The following GAL3ST2 variants were observed in gnomAD, a reference collection of about 807,000 sequenced individuals.
The protein encoded by GAL3ST2 is beta-galactose-3-O-sulfotransferase 2.
GAL3ST2 carries 16 observed loss-of-function variants against 12.9 expected under a neutral mutation model. The ratio of observed to expected loss-of-function variants is 1.24; its 90% CI spans 0.84 to 1.88. GAL3ST2 has a LOEUF of 1.88. Among genes scored for constraint, GAL3ST2 ranks in the 40% most tolerant of loss-of-function variants. The probability of loss-of-function intolerance (pLI) is 0.00; values close to 1 mark genes in which losing one functional copy is unlikely to be tolerated. For missense variants in GAL3ST2, 639 were observed against 571.8 expected (o/e 1.12, Z -1.20); for synonymous variants, 302 against 273.9 (o/e 1.10, Z -1.01).
At chr2:241,791,522 G>C (rs1391730849) in intron 1 of GAL3ST2, among the ~76,000 whole-genome samples, 1 of 152,156 alleles carries the variant, frequency 6.6e-6, no homozygotes, top group African/African-American at 2.4e-5. Context: ...GGCAAGAAAA[G>C]AATATCACTT....
chr2:241,778,327 G>A (rs1195959570), intron 1 of GAL3ST2, among the ~76,000 whole-genome samples: 1 of 152,264 alleles, frequency 6.6e-6, no homozygotes. Flanking sequence ...GTGATTCAAG[G>A]AGCTGCCCAG....
At chr2:241,782,759 C>T (rs1337742396) in intron 1 of GAL3ST2, among the ~76,000 whole-genome samples, 1 of 151,916 alleles carries the variant, frequency 6.6e-6, no homozygotes, top group African/African-American at 2.4e-5. Flanking sequence ...CTTTTTACAC[C>T]CAGGAGTCAA....
At position 241,776,994 on chromosome 2, in the gene GAL3ST2, G is replaced by T; in HGVS notation, c.29+10G>T. 6.6e-7 allele frequency: 1 copy of T among 1,525,158 alleles called. No homozygotes were observed. Among genetic ancestry groups the T allele is most frequent in the South Asian group, 1.3e-5 (1 of 79,744 alleles). The allele number at this position is 1,525,158 out of a possible 1,614,324, so 94.5% of individuals were successfully genotyped here. A position where few individuals can be genotyped will look rare whatever the true frequency, so the allele number is the denominator to read the frequency against. On this transcript the variant is annotated intron_variant, in intron 1 of 3. Coordinates refer to ENST00000192314, the MANE Select transcript of GAL3ST2 (RefSeq NM_022134.3). Reference sequence around the variant, plus strand: ...TGGGCGGCTTGCAGAGGTAAGGGGGGCAGTTGGACCCCCCAGGTGGACAAA... The same window carrying T: ...TGGGCGGCTTGCAGAGGTAAGGGGGTCAGTTGGACCCCCCAGGTGGACAAA...
At position 241,781,526 on chromosome 2, in the gene GAL3ST2, A is replaced by G. The variant is rs1044661315; in HGVS notation, c.29+4542A>G. Among the ~76,000 whole-genome samples, 3 of 152,206 alleles carry G rather than the reference A, an allele frequency of 2.0e-5. No individual in the cohort carries two copies. In the East Asian group the frequency reaches 5.8e-4, roughly 29 times the overall value. On this transcript the variant is annotated intron_variant, in intron 1 of 3. Coordinates refer to ENST00000192314, the MANE Select transcript of GAL3ST2 (RefSeq NM_022134.3). ...AAAGTTTTAGGACAGCCATAGTCAA[A>G]GACACAATTGACAAGGAAATTTGTT...
intron 3 of GAL3ST2, 89 bp from the exon 4 acceptor site, chr2:241,803,256 G>C: frequency 9.7e-7 from 1 of 1,027,112 alleles, no homozygotes; most frequent in Non-Finnish European, 1.4e-6. Flanking sequence ...CTCCTTGAGC[G>C]GGTGTGGCCA....
chr2:241,802,043 C>A lies in GAL3ST2; in HGVS notation c.375+7C>A. ...GAGGTTCAACCTGCCTCAGGTACCG[C>A]GGGCCTGCTGGGGAGGAGGGCGGGC... On this transcript the variant is annotated splice_region_variant and intron_variant, in intron 3 of 3. Coordinates refer to ENST00000192314, the MANE Select transcript of GAL3ST2 (RefSeq NM_022134.3). The surrounding 1 kb of genome is among the most constrained non-coding windows in gnomAD (Gnocchi z 4.8). The A allele has an allele frequency of 2.5e-6, 4 of 1,604,388 alleles. No individual in the cohort carries two copies. The highest frequency in any genetic ancestry group is 2.6e-6 in the Non-Finnish European group (3 of 1,175,790).
chr2:241,803,847 A>C lies in GAL3ST2; in HGVS notation c.878A>C (p.Gln293Pro), dbSNP rs1458528601. Residue 293 changes from glutamine to proline, a missense_variant, in exon 4 of 4, where the codon CAG (glutamine) becomes CCG (proline). By Grantham distance (76) the Gln-to-Pro change is moderately conservative (BLOSUM62 -1). Transcript: ENST00000192314. ...CATTTCAACCGCACCCTCTGGGCGC[A>C]GCTGCGCGCCGAGCTGGGGCCGCGG... ...YEHFNRTLWA[Q>P]LRAELGPRRL... 6.8e-7 allele frequency: 1 copy of C among 1,462,366 alleles called. No homozygotes were observed. The highest frequency in any genetic ancestry group is 9.0e-7 in the Non-Finnish European group (1 of 1,116,316). 90.6% of individuals were successfully genotyped at this position (1,462,366 alleles called of 1,614,324 possible). A position where few individuals can be genotyped will look rare whatever the true frequency, so the allele number is the denominator to read the frequency against.
Position 241,776,951 on chromosome 2 carries a change from C to G in GAL3ST2, c.-5C>G. 1 of 1,549,408 alleles carries G rather than the reference C, an allele frequency of 6.5e-7. No homozygotes were observed. Among genetic ancestry groups the G allele is most frequent in the Non-Finnish European group, 8.7e-7 (1 of 1,143,518 alleles). ...CTGTCCCCTCGCTGGAGGCCAGAGG[C>G]CAAGATGATGTCCATGCTGGGCGGC... On this transcript the variant is annotated 5_prime_UTR_variant, in exon 1 of 4. Transcript: ENST00000192314.
Position 241,793,052 on chromosome 2 carries a change from C to T in GAL3ST2, c.30-6013C>T, listed in dbSNP as rs941211889. Reference sequence around the variant, plus strand: ...CGAACCAATGTTCGTCCTGCATATGCGGACTGATGTCTCATGTCTCCCTAC... The same window carrying T: ...CGAACCAATGTTCGTCCTGCATATGTGGACTGATGTCTCATGTCTCCCTAC... On this transcript the variant is annotated intron_variant, in intron 1 of 3. Coordinates refer to ENST00000192314, the MANE Select transcript of GAL3ST2 (RefSeq NM_022134.3). This position sits in a 1 kb window ranked among gnomAD's most constrained non-coding sequence, Gnocchi z 4.7. Among the ~76,000 whole-genome samples the T allele has an allele frequency of 1.3e-5, 2 of 152,168 alleles. No homozygotes were observed. The highest frequency in any genetic ancestry group is 2.4e-5 in the African/African-American group (1 of 41,436).
chr2:241,781,250 GA>G (rs578112366), intron 1 of GAL3ST2, among the ~76,000 whole-genome samples: 3 of 152,218 alleles, frequency 2.0e-5, no homozygotes, highest in African/African-American at 7.2e-5. Context: ...AATGTTTTAC[GA>G]AAAACGTTAA....
chr2:241,783,178 T>C (rs1699586781), intron 1 of GAL3ST2, among the ~76,000 whole-genome samples: 7 of 152,028 alleles, frequency 4.6e-5, no homozygotes, highest in Admixed American at 4.6e-4. Flanking sequence ...TAATCTCAAT[T>C]TTTTTTCCTA....
Position 241,793,639 on chromosome 2 carries a change from GTACA to G in GAL3ST2, c.30-5423_30-5420del, listed in dbSNP as rs1699732321. Among the ~76,000 whole-genome samples, 1 of 151,372 alleles carries G rather than the reference GTACA, an allele frequency of 6.6e-6. No homozygotes were observed. Among genetic ancestry groups the G allele is most frequent in the African/African-American group, 2.4e-5 (1 of 41,072 alleles). The stretch of plus-strand genomic sequence containing the variant: ...GTGTGTGTACATATTGTGTTTGTGT[GTACA>G]TATTGTGTATGCATATGTGTGTGTA... On this transcript the variant is annotated intron_variant, in intron 1 of 3. Transcript: ENST00000192314. This position sits in a 1 kb window ranked among gnomAD's most constrained non-coding sequence, Gnocchi z 4.7.
At chr2:241,786,767 TAGG>T (rs1209845327) in intron 1 of GAL3ST2, among the ~76,000 whole-genome samples, 1 of 152,140 alleles carries the variant, frequency 6.6e-6, no homozygotes, top group Non-Finnish European at 1.5e-5. Flanking sequence ...CAAGCTCCGA[TAGG>T]AGGTTTGCCA....
chr2:241,777,090 T>C, intron 1 of GAL3ST2, 106 bp downstream of exon 1: 1 of 1,033,136 alleles, frequency 9.7e-7, no homozygotes, highest in Non-Finnish European at 1.3e-6. Context: ...GGAAGTGACT[T>C]GGATTTGGAG....
At position 241,792,883 on chromosome 2, in the gene GAL3ST2, T is replaced by C. The variant is rs371058033; in HGVS notation, c.30-6182T>C. 7.3e-4 allele frequency among the ~76,000 whole-genome samples: 110 copies of C among 149,960 alleles called. No homozygotes were observed. In the South Asian group the frequency reaches 8.4e-3, roughly 11 times the overall value. On this transcript the variant is annotated intron_variant, in intron 1 of 3. Transcript: ENST00000192314. ...TCCCCTCTGCTCACTGAGATAAATGTGTATCTGACTGCCTCCTTTGGAGAG... is the reference window on the plus strand; with the variant it reads ...TCCCCTCTGCTCACTGAGATAAATGCGTATCTGACTGCCTCCTTTGGAGAG...
chr2:241,779,409 AT>A (rs1398216917), intron 1 of GAL3ST2, among the ~76,000 whole-genome samples: 94 of 149,860 alleles, frequency 6.3e-4, no homozygotes, highest in South Asian at 1.3e-3. Flanking sequence ...AATTTTTTGT[AT>A]TTTTAGTAGA....
chr2:241,786,566 A>G (rs1699631288), intron 1 of GAL3ST2, among the ~76,000 whole-genome samples: 1 of 152,214 alleles, frequency 6.6e-6, no homozygotes, highest in Non-Finnish European at 1.5e-5. Context: ...TTCCATCGTC[A>G]TGGAAGCAGG....
intron 1 of GAL3ST2, among the ~76,000 whole-genome samples, chr2:241,797,150 C>T (rs761625312): frequency 2.0e-5 from 3 of 152,246 alleles, no homozygotes; most frequent in African/African-American, 4.8e-5. Flanking sequence ...TGAGCTGCCG[C>T]GCCTGGCCTG....
rs371030645 is a variant in GAL3ST2 at position 241,776,973 on chromosome 2, C to A, written c.18C>A (p.Gly6=). 1 of 1,549,558 alleles carries A rather than the reference C, an allele frequency of 6.5e-7. No homozygotes were observed. The highest frequency in any genetic ancestry group is 8.7e-7 in the Non-Finnish European group (1 of 1,143,280). Residue 6 remains glycine (G), a synonymous_variant, in exon 1 of 4, where the codon GGC becomes GGA. Transcript: ENST00000192314. ...AGGCCAAGATGATGTCCATGCTGGG[C>A]GGCTTGCAGAGGTAAGGGGGGCAGT... is the stretch of plus-strand genomic sequence containing the variant. MMSML[G]GLQRYFRVIL... is the part of the protein sequence containing the mutation.
Sources: gnomAD v4.1 joint callset for allele counts (sites outside exome capture counted in the v4.1 genomes callset) on GRCh38, gnomAD v4.1.1 for gene constraint, Gnocchi (gnomAD v3.1) non-coding constraint, MANE v1.5 for transcripts, NCBI Gene and HGNC (gene_info 2026-07-23, HGNC 2026-07-21) for gene names.